ADGRL2: variants seen among roughly 807,000 people sequenced by gnomAD.
The protein encoded by ADGRL2 is calcium-independent alpha-latrotoxin receptor 2.
ADGRL2 carries 44 observed loss-of-function variants against 157.4 expected under a neutral mutation model. The observed-to-expected ratio is 0.28, with a 90% confidence interval of 0.22 to 0.36. The LOEUF is 0.36. Among genes scored for constraint, ADGRL2 ranks in the 10% least tolerant of loss-of-function variants. The pLI is 1.00. For synonymous variants in ADGRL2, 585 were observed against 624.7 expected (o/e 0.94, Z 0.95); for missense variants, 1,510 against 1,768.9 (o/e 0.85, Z 2.63).
chr1:81,569,382 A>G (rs1380156825), intron 2 of ADGRL2, among the ~76,000 whole-genome samples: 1 of 152,238 alleles, frequency 6.6e-6, no homozygotes, highest in East Asian at 1.9e-4. Flanking sequence ...CTATTGCAGC[A>G]TAACAAATTA....
chr1:81,346,708 G>T (rs74584992), intron 1 of ADGRL2, among the ~76,000 whole-genome samples: 1,560 of 152,222 alleles, frequency 0.01, 35 homozygotes, highest in African/African-American at 0.035. Flanking sequence ...CTCAGACAAA[G>T]ATCAGAAACT....
chr1:81,331,724 A>G (rs1419140700), intron 1 of ADGRL2, among the ~76,000 whole-genome samples: 1 of 152,132 alleles, frequency 6.6e-6, no homozygotes, highest in Non-Finnish European at 1.5e-5. Context: ...TAGCAGTGCC[A>G]TTTTACATGC....
intron 3 of ADGRL2, among the ~76,000 whole-genome samples, chr1:81,658,887 G>A (rs1002597203): frequency 1.7e-4 from 26 of 151,702 alleles, no homozygotes; most frequent in African/African-American, 5.3e-4. Flanking sequence ...GAGTAGCTGG[G>A]ATTACAGGCG....
chr1:81,626,143 T>C (rs1473175320), intron 3 of ADGRL2, among the ~76,000 whole-genome samples: 1 of 152,190 alleles, frequency 6.6e-6, no homozygotes, highest in Non-Finnish European at 1.5e-5. Context: ...CAGGAACTGG[T>C]TGCTTTCCAG....
At chr1:81,743,616 A>G (rs2085149606) in intron 1 of ADGRL2, among the ~76,000 whole-genome samples, 1 of 152,066 alleles carries the variant, frequency 6.6e-6, no homozygotes, top group Non-Finnish European at 1.5e-5. Context: ...AAGGTTCTAT[A>G]AGAAAATGAG....
intron 5 of ADGRL2, 84 bp downstream of exon 5, chr1:81,942,129 C>A: frequency 1.7e-6 from 1 of 582,670 alleles, no homozygotes; most frequent in South Asian, 2.4e-5. Context: ...CCCCACAACA[C>A]TCCTGTATTA....
At chr1:81,535,714 G>T (rs146330600) in intron 2 of ADGRL2, among the ~76,000 whole-genome samples, 1 of 152,262 alleles carries the variant, frequency 6.6e-6, no homozygotes, top group Non-Finnish European at 1.5e-5. Flanking sequence ...TTTGGCAGAT[G>T]AAATTATGTT....
At chr1:81,925,571 AAAGT>A (rs2095084930) in intron 3 of ADGRL2, among the ~76,000 whole-genome samples, 1 of 151,896 alleles carries the variant, frequency 6.6e-6, no homozygotes, top group African/African-American at 2.4e-5. Context: ...AAAAAAAAAA[AAAGT>A]AAGCACTTAC....
At chr1:81,339,627 C>G (rs749637070) in intron 1 of ADGRL2, among the ~76,000 whole-genome samples, 11 of 152,114 alleles carry the variant, frequency 7.2e-5, no homozygotes, top group African/African-American at 9.7e-5. Flanking sequence ...TCACCTGATA[C>G]TTATTTTATG....
intron 3 of ADGRL2, among the ~76,000 whole-genome samples, chr1:81,604,505 C>T (rs531481636): frequency 5.9e-5 from 9 of 152,172 alleles, no homozygotes; most frequent in Non-Finnish European, 1.0e-4. Context: ...GAAACAGACA[C>T]AAGTGCCAAC....
chr1:81,436,965 C>T (rs1431741909), intron 1 of ADGRL2, among the ~76,000 whole-genome samples: 1 of 152,224 alleles, frequency 6.6e-6, no homozygotes, highest in African/African-American at 2.4e-5. Flanking sequence ...AATTCCACTC[C>T]TTACGATAGT....
At chr1:81,321,598 G>A (rs1660503380) in intron 1 of ADGRL2, among the ~76,000 whole-genome samples, 1 of 152,132 alleles carries the variant, frequency 6.6e-6, no homozygotes, top group Non-Finnish European at 1.5e-5. Context: ...GAGACCAGTG[G>A]ATGAGCAACT....
intron 3 of ADGRL2, among the ~76,000 whole-genome samples, chr1:81,663,707 T>C (rs1041453868): frequency 6.6e-6 from 1 of 152,242 alleles, no homozygotes; most frequent in East Asian, 1.9e-4. Context: ...GTGACCATTG[T>C]GGCCATTTGG....
intron 2 of ADGRL2, among the ~76,000 whole-genome samples, chr1:81,468,174 C>A (rs2078099630): frequency 6.6e-6 from 1 of 151,932 alleles, no homozygotes; most frequent in Non-Finnish European, 1.5e-5. Context: ...AGGGAAGATA[C>A]CAGAGGGAAA....
At chr1:81,713,281 T>A (rs1439178510) in intron 1 of ADGRL2, among the ~76,000 whole-genome samples, 1 of 152,098 alleles carries the variant, frequency 6.6e-6, no homozygotes, top group African/African-American at 2.4e-5. Context: ...GACAAACCAG[T>A]GTGTTTTGCC....
intron 1 of ADGRL2, among the ~76,000 whole-genome samples, chr1:81,411,169 A>G (rs1422139578): frequency 6.6e-6 from 1 of 152,196 alleles, no homozygotes. Context: ...AGTTCTGGCA[A>G]AGATGCAAAG....
chr1:81,802,826 G>C (rs954695815), intron 1 of ADGRL2, among the ~76,000 whole-genome samples: 1 of 152,148 alleles, frequency 6.6e-6, no homozygotes, highest in Non-Finnish European at 1.5e-5. Context: ...GAGGGTTGCT[G>C]TTCCTTCTCG....
chr1:81,328,608 A>T (rs1661058582), intron 1 of ADGRL2, among the ~76,000 whole-genome samples: 1 of 152,116 alleles, frequency 6.6e-6, no homozygotes, highest in Admixed American at 6.6e-5. Context: ...GTCATACCTT[A>T]AAAAGATAAT....
intron 2 of ADGRL2, among the ~76,000 whole-genome samples, chr1:81,772,736 G>A (rs1433390597): frequency 6.6e-6 from 1 of 151,990 alleles, no homozygotes; most frequent in Non-Finnish European, 1.5e-5. Context: ...CCCAAAAAAA[G>A]AGTAGAAATA....
Sources: gnomAD v4.1 joint callset for allele counts (sites outside exome capture counted in the v4.1 genomes callset) on GRCh38, gnomAD v4.1.1 for gene constraint, MANE v1.5 for transcripts, NCBI Gene and HGNC (gene_info 2026-07-23, HGNC 2026-07-21) for gene names.